CCNE1: variants seen among roughly 807,000 people sequenced by gnomAD.
CCNE1 encodes cyclin E1, also known as G1/S-specific cyclin-E1.
CCNE1 carries 8 observed loss-of-function variants against 54.1 expected under a neutral mutation model. The observed-to-expected ratio is 0.15, with a 90% CI of 0.09 to 0.27. The LOEUF (loss-of-function observed/expected upper bound fraction) is 0.27, where lower values mean the gene tolerates loss of function less well. Among genes scored for constraint, CCNE1 ranks in the 10% least tolerant of loss-of-function variants. The pLI is 1.00. For synonymous variants in CCNE1, 179 were observed against 185.2 expected, an observed-to-expected ratio of 0.97 and a Z score of 0.27; for missense variants, 430 against 514.9, an observed-to-expected ratio of 0.84 and a Z score of 1.60.
intron 5 of CCNE1, 51 bp from the exon 6 acceptor site, chr19:29,817,355 C>T (rs373059711): frequency 2.2e-5 from 36 of 1,613,228 alleles, no homozygotes; most frequent in Middle Eastern, 1.6e-4. Context: ...ATAGCATGGA[C>T]GCATTCTTAC....
intron 3 of CCNE1, 38 bp downstream of exon 3, chr19:29,812,814 C>T (rs1568366272): frequency 1.3e-6 from 2 of 1,587,678 alleles, no homozygotes; most frequent in South Asian, 2.3e-5. Context: ...GCATCCCCCC[C>T]ATCTCACCTG....
intron 4 of CCNE1, among the ~76,000 whole-genome samples, chr19:29,815,709 A>G (rs940711937): frequency 1.3e-5 from 2 of 149,178 alleles, no homozygotes; most frequent in East Asian, 2.0e-4. Flanking sequence ...GCTCCCTGCA[A>G]CCTCCGCCTC....
intron 6 of CCNE1, among the ~76,000 whole-genome samples, chr19:29,818,675 A>C (rs1000794846): frequency 1.3e-5 from 2 of 151,776 alleles, no homozygotes; most frequent in Non-Finnish European, 2.9e-5. Context: ...CATGTCTGTA[A>C]TCCCAGCACT....
intron 4 of CCNE1, among the ~76,000 whole-genome samples, chr19:29,815,264 C>T (rs1398936644): frequency 6.6e-6 from 1 of 152,224 alleles, no homozygotes; most frequent in East Asian, 1.9e-4. Context: ...AGAATTCATT[C>T]TTCCTGAATG....
In CCNE1 at chr19:29,823,943, T is replaced by C. The variant is rs934463761; in HGVS notation, c.*166T>C. 2 of 719,144 alleles carry C rather than the reference T, an allele frequency of 2.8e-6. No homozygotes were observed. Among genetic ancestry groups the C allele is most frequent in the African/African-American group, 1.8e-5 (1 of 55,850 alleles). The allele number at this position is 719,144 out of a possible 1,614,324, so 44.5% of individuals were successfully genotyped here. ...TGGCATCAAACAGGGCAAAGTGTTT[T>C]TTATTGAATGCTTATAGGTTTTTTT... On this transcript the variant is annotated 3_prime_UTR_variant, in exon 12 of 12. Coordinates refer to ENST00000262643, the MANE Select transcript of CCNE1 (RefSeq NM_001238.4).
In CCNE1 at chr19:29,817,421, G is replaced by C. The variant is rs201895026; in HGVS notation, c.342G>C (p.Glu114Asp). ...PLPVLSWANR[E>D]EVWKIMLNKE... is the part of the protein sequence containing the mutation. ...TTTGTTGTAGCTGGGCAAATAGAGA[G>C]GAAGTCTGGAAAATCATGTTAAACA... The change falls in exon 6 of 12, where the codon GAG becomes GAC. Residue 114 changes from glutamate (E) to aspartate (D), a missense_variant. By Grantham distance (45) the Glu-to-Asp change is conservative. Coordinates refer to ENST00000262643, the MANE Select transcript of CCNE1 (RefSeq NM_001238.4). 2 of 1,614,158 alleles carry C rather than the reference G, an allele frequency of 1.2e-6. No homozygotes were observed. The highest frequency in any genetic ancestry group is 4.5e-5 in the East Asian group (2 of 44,890).
chr19:29,812,849 G>A (rs1173082464), intron 3 of CCNE1, 73 bp downstream of exon 3: 2 of 1,582,914 alleles, frequency 1.3e-6, no homozygotes, highest in East Asian at 2.2e-5. Flanking sequence ...CTCTGCCTAC[G>A]GGGGCGGGGG....
rs747856215 is a variant in CCNE1, at chr19:29,823,680, T to C, written c.1136T>C (p.Met379Thr). ...LLDKARAKKA[M>T]LSEQNRASPL... is the part of the protein sequence containing the mutation. ...GACAAAGCCCGAGCAAAGAAAGCCA[T>C]GTTGTCTGAACAAAATAGGGCTTCT... Residue 379 changes from methionine (M) to threonine (T), a missense_variant, in exon 12 of 12, where the codon ATG becomes ACG. Physicochemically the swap from Met to Thr is moderately conservative, Grantham distance 81. Around this residue, in one of 2 missense-constraint regions of CCNE1, gnomAD observed 303 missense variants for 401.1 expected, o/e 0.76. Coordinates refer to ENST00000262643, the MANE Select transcript of CCNE1 (RefSeq NM_001238.4). 1.2e-6 allele frequency: 2 copies of C among 1,614,096 alleles called. No homozygotes were observed. The highest frequency in any genetic ancestry group is 1.7e-6 in the Non-Finnish European group (2 of 1,179,948).
rs1357714062 is a variant in CCNE1, at chr19:29,817,479, C to A, written c.400C>A (p.Leu134Ile). Residue 134 changes from leucine to isoleucine, a missense_variant, in exon 6 of 12, where the codon CTT becomes ATT. Leu to Ile is a conservative substitution (Grantham distance 5). Coordinates refer to ENST00000262643, the MANE Select transcript of CCNE1 (RefSeq NM_001238.4). ...EKTYLRDQHF[L>I]EQHPLLQPKM... ...GACATACTTAAGGGATCAGCACTTT[C>A]TTGAGCAACACCCTCTTCTGCAGCC... is the stretch of plus-strand genomic sequence containing the variant. 9 of 1,614,216 alleles carry A rather than the reference C, an allele frequency of 5.6e-6. No individual in the cohort carries two copies. The highest frequency in any genetic ancestry group is 7.6e-6 in the Non-Finnish European group (9 of 1,180,026).
Position 29,823,954 on chromosome 19 carries a change from C to T in CCNE1, c.*177C>T. 1.6e-6 allele frequency: 1 copy of T among 628,028 alleles called. No individual in the cohort carries two copies. The highest frequency in any genetic ancestry group is 2.5e-6 in the Non-Finnish European group (1 of 405,838). 38.9% of individuals were successfully genotyped at this position (628,028 alleles called of 1,614,324 possible). On this transcript the variant is annotated 3_prime_UTR_variant, in exon 12 of 12. Transcript: ENST00000262643. ...AGGGCAAAGTGTTTTTTATTGAATG[C>T]TTATAGGTTTTTTTTAAATAAGTGG...
chr19:29,812,603 G>T (rs1197338513), intron 2 of CCNE1, 25 bp downstream of exon 2: 23 of 1,523,542 alleles, frequency 1.5e-5, no homozygotes, highest in Non-Finnish European at 1.9e-5. Context: ...CGCGGGGCCG[G>T]ACGGGACGGG....
At position 29,823,896 on chromosome 19, in the gene CCNE1, A is replaced by ATT; in HGVS notation, c.*119_*120insTT. 5.4e-6 allele frequency: 6 copies of ATT among 1,120,082 alleles called. No homozygotes were observed. The highest frequency in any genetic ancestry group is 7.4e-6 in the Non-Finnish European group (6 of 809,524). 69.4% of individuals were successfully genotyped at this position (1,120,082 alleles called of 1,614,324 possible). ...ATCTGAATGGAAGAGTGTTTCTTCCACAACAGAAGTATTTCTGTGGATGGC... is the reference window on the plus strand; with the variant it reads ...ATCTGAATGGAAGAGTGTTTCTTCCATTCAACAGAAGTATTTCTGTGGATGGC... On this transcript the variant is annotated 3_prime_UTR_variant, in exon 12 of 12. Transcript: ENST00000262643.
intron 1 of CCNE1, 69 bp from the exon 2 acceptor site, chr19:29,812,463 G>T (rs1158381237): frequency 4.5e-5 from 49 of 1,079,674 alleles, no homozygotes; most frequent in Non-Finnish European, 1.2e-6. Context: ...CCGCCCGCGC[G>T]CAAAGGGGGA....
At chr19:29,819,106 T>C (rs566155710) in intron 6 of CCNE1, among the ~76,000 whole-genome samples, 225 of 151,986 alleles carry the variant, frequency 1.5e-3, no homozygotes, top group African/African-American at 5.1e-3. Context: ...TGTCAGGGTA[T>C]AGTGGCTCAG....
At chr19:29,815,551 C>T (rs958657053) in intron 4 of CCNE1, among the ~76,000 whole-genome samples, 1 of 151,704 alleles carries the variant, frequency 6.6e-6, no homozygotes, top group African/African-American at 2.4e-5. Context: ...ACTTACAGCC[C>T]GAGTTTCCAC....
At chr19:29,814,339 G>T (rs550150646) in intron 4 of CCNE1, among the ~76,000 whole-genome samples, 5 of 152,178 alleles carry the variant, frequency 3.3e-5, no homozygotes, top group Non-Finnish European at 4.4e-5. Context: ...AAGCAGGGCC[G>T]TCCCTGTTGC....
chr19:29,822,353 T>C lies in CCNE1; in HGVS notation c.952+2T>C. 6.2e-7 allele frequency: 1 copy of C among 1,613,924 alleles called. No homozygotes were observed. The highest frequency in any genetic ancestry group is 8.5e-7 in the Non-Finnish European group (1 of 1,179,778). ...CTGAATTGATGCAAAAGGTTTCAGG[T>C]AAGTTGGCTTTCCAGTGCATGCACA... On this transcript the variant is annotated splice_donor_variant, in intron 10 of 11. Transcript: ENST00000262643. LOFTEE classifies it high-confidence loss of function.
Position 29,823,869 on chromosome 19 carries a change from A to T in CCNE1, c.*92A>T, listed in dbSNP as rs1353606557. ...CGGAGGCGTGCGTTTGCTTTTACAG[A>T]TATCTGAATGGAAGAGTGTTTCTTC... On this transcript the variant is annotated 3_prime_UTR_variant, in exon 12 of 12. Coordinates refer to ENST00000262643, the MANE Select transcript of CCNE1 (RefSeq NM_001238.4). The T allele has an allele frequency of 7.6e-7, 1 of 1,309,890 alleles. No homozygotes were observed. The highest frequency in any genetic ancestry group is 1.0e-6 in the Non-Finnish European group (1 of 965,142). The allele number at this position is 1,309,890 out of a possible 1,614,324, so 81.1% of individuals were successfully genotyped here.
At chr19:29,820,635 G>GTT (rs5827672) in intron 6 of CCNE1, 67 bp from the exon 7 acceptor site, 11,007 of 939,000 alleles carry the variant, frequency 0.012, no homozygotes, top group South Asian at 0.03. Flanking sequence ...GTCATTACAA[G>GTT]TTTTTTTTTT....
Sources: allele counts gnomAD v4.1 joint callset (sites outside exome capture counted in the v4.1 genomes callset), GRCh38; gene constraint gnomAD v4.1.1; regional missense constraint gnomAD v4.1.1; transcripts MANE v1.5; gene names NCBI Gene and HGNC (gene_info 2026-07-23, HGNC 2026-07-21).